Variants in NDUFA7 observed in about 807,000 individuals in gnomAD.
The protein encoded by NDUFA7 is NADH dehydrogenase [ubiquinone] 1 alpha subcomplex subunit 7.
NDUFA7 carries 18 observed loss-of-function variants against 14.2 expected under a neutral mutation model. The observed-to-expected ratio is 1.27, with a 90% CI of 0.88 to 1.88. NDUFA7 has a LOEUF of 1.88. NDUFA7 is among the 40% of genes most tolerant of loss of function. The pLI is 0.00. For missense variants in NDUFA7, 172 were observed against 147.3 expected, an observed-to-expected ratio of 1.17 and a Z score of -0.87; for synonymous variants, 75 against 62.1, an observed-to-expected ratio of 1.21 and a Z score of -0.98.
chr19:8,313,894 T>C (rs1322076611), intron 3 of NDUFA7, among the ~76,000 whole-genome samples: 1 of 152,262 alleles, frequency 6.6e-6, no homozygotes, highest in Admixed American at 6.5e-5. Flanking sequence ...ATATTAATTA[T>C]GAGGACTAAC....
At chr19:8,315,084 GC>G (rs1219110422) in intron 3 of NDUFA7, among the ~76,000 whole-genome samples, 1 of 152,212 alleles carries the variant, frequency 6.6e-6, no homozygotes, top group African/African-American at 2.4e-5. Context: ...AAGGCAGCAT[GC>G]TCCTTAAGAG....
Position 8,311,545 on chromosome 19 carries a change from A to G in NDUFA7, c.302T>C (p.Ile101Thr). Reference sequence around the variant, plus strand: ...GTCCGAGGACAGCTCCCACCTCTTTATGGGAGGAGCTGGAGTCACCGCCTT... The same window carrying G: ...GTCCGAGGACAGCTCCCACCTCTTTGTGGGAGGAGCTGGAGTCACCGCCTT... ...EKKAVTPAPP[I>T]KRWELSSDQP... The change falls in exon 4 of 4, where the codon ATA becomes ACA. Residue 101 changes from isoleucine (I) to threonine (T), a missense_variant. Ile to Thr is a moderately conservative substitution (Grantham distance 89). Transcript: ENST00000301457. 2 of 1,612,854 alleles carry G rather than the reference A, an allele frequency of 1.2e-6. No homozygotes were observed. The highest frequency in any genetic ancestry group is 1.7e-6 in the Non-Finnish European group (2 of 1,179,414).
intron 1 of NDUFA7, 73 bp downstream of exon 1, chr19:8,321,235 G>A (rs1418914689): frequency 9.0e-6 from 13 of 1,439,994 alleles, no homozygotes; most frequent in Non-Finnish European, 1.2e-5. Flanking sequence ...GGAGGGAGGT[G>A]AGGAGCAGGA....
intron 1 of NDUFA7, 108 bp from the exon 2 acceptor site, chr19:8,321,014 C>T (rs1281698028): frequency 1.5e-6 from 2 of 1,300,744 alleles, no homozygotes; most frequent in African/African-American, 2.9e-5. Context: ...TAAGGGAAGG[C>T]AGGGGATGAA....
chr19:8,320,806 G>C (rs775785043), intron 2 of NDUFA7, 51 bp downstream of exon 2: 12 of 1,607,372 alleles, frequency 7.5e-6, no homozygotes, highest in South Asian at 1.1e-5. Context: ...TTTCGTTTTT[G>C]GTGGAGAAAG....
chr19:8,311,322 T>C lies in NDUFA7; in HGVS notation c.*183A>G, dbSNP rs562885124. The C allele has an allele frequency of 2.0e-5, 9 of 457,564 alleles. No homozygotes were observed. Among genetic ancestry groups the C allele is most frequent in the Non-Finnish European group, 3.5e-5 (9 of 258,166 alleles). 28.3% of individuals were successfully genotyped at this position (457,564 alleles called of 1,614,324 possible). On this transcript the variant is annotated 3_prime_UTR_variant, in exon 4 of 4. Transcript: ENST00000301457. ...TGGGAGGTCAAGGCAGGAGGATCGC[T>C]TGAGGCCAGGAGTTCAAGATCAGCC... is the stretch of plus-strand genomic sequence containing the variant.
intron 3 of NDUFA7, among the ~76,000 whole-genome samples, chr19:8,313,798 C>A (rs1027508608): frequency 6.6e-6 from 1 of 152,226 alleles, no homozygotes; most frequent in African/African-American, 2.4e-5. Context: ...TCCTCTTCTG[C>A]AAGAGGGGTC....
At chr19:8,312,965 CTT>C (rs1483278750) in intron 3 of NDUFA7, among the ~76,000 whole-genome samples, 1 of 151,760 alleles carries the variant, frequency 6.6e-6, no homozygotes, top group African/African-American at 2.4e-5. Context: ...GCGCCCCTAA[CTT>C]TTGTATTTCA....
intron 3 of NDUFA7, among the ~76,000 whole-genome samples, chr19:8,314,981 C>T (rs1970216782): frequency 1.3e-5 from 2 of 152,170 alleles, no homozygotes. Context: ...AATCTTACCC[C>T]CAACCCTGTG....
chr19:8,315,053 G>A (rs1307920141), intron 3 of NDUFA7, among the ~76,000 whole-genome samples: 1 of 152,202 alleles, frequency 6.6e-6, no homozygotes. Context: ...TGCAGGATGT[G>A]CTTTGTTAAA....
chr19:8,320,350 C>T (rs927131326), intron 2 of NDUFA7, among the ~76,000 whole-genome samples: 1 of 152,174 alleles, frequency 6.6e-6, no homozygotes, highest in African/African-American at 2.4e-5. Flanking sequence ...TACTATGCTT[C>T]TCCCTAGAAT....
At chr19:8,315,625 C>G (rs1970223806) in intron 3 of NDUFA7, among the ~76,000 whole-genome samples, 1 of 152,160 alleles carries the variant, frequency 6.6e-6, no homozygotes, top group African/African-American at 2.4e-5. Flanking sequence ...TCTCACACAT[C>G]ACACCCAATA....
downstream of NDUFA7, chr19:8,308,671 T>C: frequency 1.1e-5 from 3 of 283,934 alleles, no homozygotes; most frequent in Non-Finnish European, 2.0e-5. Context: ...ATCCCACTGC[T>C]TTTGTGGCGC....
downstream of NDUFA7, among the ~76,000 whole-genome samples, chr19:8,308,615 T>A (rs1160646056): frequency 6.6e-6 from 1 of 152,204 alleles, no homozygotes; most frequent in East Asian, 1.9e-4. Context: ...GTGATCTTCT[T>A]TAATATGGCA....
chr19:8,311,714 G>C, intron 3 of NDUFA7, 119 bp from the exon 4 acceptor site: 1 of 751,332 alleles, frequency 1.3e-6, no homozygotes, highest in South Asian at 1.8e-5. Flanking sequence ...CTGCAGGACA[G>C]ACAGCAGGGT....
At chr19:8,316,425 C>A (rs1448958314) in intron 3 of NDUFA7, 71 bp downstream of exon 3, 3 of 1,578,072 alleles carry the variant, frequency 1.9e-6, no homozygotes, top group Non-Finnish European at 2.6e-6. Flanking sequence ...ACCCTTTCCA[C>A]AAGTTGGGAG....
downstream of NDUFA7, among the ~76,000 whole-genome samples, chr19:8,309,523 C>T (rs3760680): frequency 0.37 from 55,827 of 151,846 alleles, 10,385 homozygotes; most frequent in East Asian, 0.41. Context: ...ATGCCGTCAG[C>T]GGCATGCCTT....
chr19:8,321,172 G>C lies in NDUFA7; in HGVS notation c.51+136C>G, dbSNP rs4147648. The C allele has an allele frequency of 0.069, 79,319 of 1,155,882 alleles. 7,990 individuals are homozygous for C. The highest frequency in any genetic ancestry group is 0.42 in the African/African-American group (26,890 of 64,218). 71.6% of individuals were successfully genotyped at this position (1,155,882 alleles called of 1,614,324 possible). A position where few individuals can be genotyped will look rare whatever the true frequency, so the allele number is the denominator to read the frequency against. On this transcript the variant is annotated intron_variant, in intron 1 of 3. Transcript: ENST00000301457. ...GGAGAGGGTCCCGGGCTGAAGGGGTGACTAGCTGGGGGTTCCCAGGGAGAT... is the reference window on the plus strand; with the variant it reads ...GGAGAGGGTCCCGGGCTGAAGGGGTCACTAGCTGGGGGTTCCCAGGGAGAT...
chr19:8,314,692 T>A (rs1464038253), intron 3 of NDUFA7, among the ~76,000 whole-genome samples: 2 of 152,168 alleles, frequency 1.3e-5, no homozygotes, highest in Non-Finnish European at 2.9e-5. Context: ...CGCGGGCAGA[T>A]CATGAGATCA....
Sources: gnomAD v4.1 joint callset for allele counts (sites outside exome capture counted in the v4.1 genomes callset) on GRCh38, gnomAD v4.1.1 for gene constraint, MANE v1.5 for transcripts, NCBI Gene and HGNC (gene_info 2026-07-23, HGNC 2026-07-21) for gene names.